The following EFCAB14 variants were observed in gnomAD, a reference collection of about 807,000 sequenced individuals.
EFCAB14 encodes the protein EF-hand calcium-binding domain-containing protein 14.
In EFCAB14, 43 loss-of-function variants were observed where a neutral mutation model predicts 56.5. The observed-to-expected ratio is 0.76, with a 90% CI of 0.60 to 0.98. The LOEUF (loss-of-function observed/expected upper bound fraction) is 0.98. Ranked by LOEUF, EFCAB14 falls within the 50% of genes least tolerant of loss-of-function variation. The pLI is 0.00. For synonymous variants in EFCAB14, 235 were observed against 212.9 expected (o/e 1.10, Z -0.90); for missense variants, 538 against 580.3 (o/e 0.93, Z 0.75).
chr1:46,680,456 G>A (rs1676774880), intron 10 of EFCAB14, among the ~76,000 whole-genome samples: 2 of 152,166 alleles, frequency 1.3e-5, no homozygotes, highest in Admixed American at 6.5e-5. Flanking sequence ...GAATCATATT[G>A]AAAGAAAAAG....
Position 46,678,383 on chromosome 1 carries a change from T to TG in EFCAB14, c.*77dup. 6.6e-7 allele frequency: 1 copy of TG among 1,516,624 alleles called. No homozygotes were observed. The highest frequency in any genetic ancestry group is 9.0e-7 in the Non-Finnish European group (1 of 1,104,980). The allele number at this position is 1,516,624 out of a possible 1,614,324, so 93.9% of individuals were successfully genotyped here. On this transcript the variant is annotated 3_prime_UTR_variant, in exon 11 of 11. Transcript: ENST00000371933. Reference sequence around the variant, plus strand: ...ACAGTAGTTTGGAGGACTAGAGGACTGATGGGTAAGTAAGGGTTGTTTTGT... The same window carrying TG: ...ACAGTAGTTTGGAGGACTAGAGGACTGGATGGGTAAGTAAGGGTTGTTTTGT...
Position 46,684,596 on chromosome 1 carries a change from C to T in EFCAB14, c.1081G>A (p.Asp361Asn). 6.2e-7 allele frequency: 1 copy of T among 1,613,148 alleles called. No homozygotes were observed. The highest frequency in any genetic ancestry group is 8.5e-7 in the Non-Finnish European group (1 of 1,179,140). Residue 361 changes from aspartate (D) to asparagine (N), a missense_variant, in exon 9 of 11, where the codon GAT becomes AAT. By Grantham distance (23) the Asp-to-Asn change is conservative. Coordinates refer to ENST00000371933, the MANE Select transcript of EFCAB14 (RefSeq NM_014774.3). ...TVKIQSIKKE[D>N]SSNSQVSKLR... ...TTGGATACCTGAGAATTTGAACTAT[C>T]TTCTTTCTGCACAAAACAAAGATTA...
chr1:46,691,819 C>T lies in EFCAB14; in HGVS notation c.690+8G>A, dbSNP rs1234075372. On this transcript the variant is annotated splice_region_variant and intron_variant, in intron 5 of 10. Coordinates refer to ENST00000371933, the MANE Select transcript of EFCAB14 (RefSeq NM_014774.3). ...GCAGGAGCATGCTGACTTGCTGGGT[C>T]TCCTTACCATATCACTCTGCAGTAA... 1.2e-6 allele frequency: 2 copies of T among 1,607,494 alleles called. No homozygotes were observed. The highest frequency in any genetic ancestry group is 1.7e-6 in the Non-Finnish European group (2 of 1,175,886).
Position 46,688,439 on chromosome 1 carries a change from T to C in EFCAB14, c.901A>G (p.Asn301Asp). ...KLEGMNETVSNLTQRVNLIES... is the reference protein window; with the variant it reads ...KLEGMNETVSDLTQRVNLIES... ...ATCAGGTTGACTCTCTGGGTAAGAT[T>C]ACTGACTGTCTCGTTCATTCCCTCG... is the stretch of plus-strand genomic sequence containing the variant. The change falls in exon 7 of 11, where the codon AAT becomes GAT. Residue 301 changes from asparagine to aspartate, a missense_variant. Coordinates refer to ENST00000371933, the MANE Select transcript of EFCAB14 (RefSeq NM_014774.3). 2 of 1,614,052 alleles carry C rather than the reference T, an allele frequency of 1.2e-6. No homozygotes were observed. The highest frequency in any genetic ancestry group is 8.5e-7 in the Non-Finnish European group (1 of 1,179,928).
chr1:46,686,959 G>T, intron 7 of EFCAB14, 89 bp from the exon 8 acceptor site: 1 of 1,221,964 alleles, frequency 8.2e-7, no homozygotes, highest in Non-Finnish European at 1.2e-6. Flanking sequence ...AAACAAATTC[G>T]TCAAACTTAT....
chr1:46,704,264 G>A (rs549091027), intron 3 of EFCAB14, among the ~76,000 whole-genome samples: 1 of 151,866 alleles, frequency 6.6e-6, no homozygotes, highest in East Asian at 1.9e-4. Context: ...ACTAGCCTGG[G>A]AAATAGTGAG....
chr1:46,698,783 C>G (rs1217268726), intron 3 of EFCAB14, among the ~76,000 whole-genome samples: 2 of 152,126 alleles, frequency 1.3e-5, no homozygotes, highest in Non-Finnish European at 2.9e-5. Flanking sequence ...AGTGCCAGAA[C>G]AGACAGGACT....
At chr1:46,714,032 C>T (rs1260455401) in intron 2 of EFCAB14, among the ~76,000 whole-genome samples, 2 of 151,924 alleles carry the variant, frequency 1.3e-5, no homozygotes, top group Non-Finnish European at 2.9e-5. Flanking sequence ...ATACTGAATC[C>T]CCAGCCCCAG....
At chr1:46,686,757 C>G (rs1463726414) in intron 8 of EFCAB14, 27 bp downstream of exon 8, 1 of 1,607,482 alleles carries the variant, frequency 6.2e-7, no homozygotes, top group Admixed American at 1.7e-5. Context: ...TTTACTTTTA[C>G]TTCAGGGTAA....
intron 10 of EFCAB14, 111 bp downstream of exon 10, chr1:46,683,189 A>G: frequency 1.6e-6 from 2 of 1,266,492 alleles, no homozygotes; most frequent in East Asian, 2.4e-5. Context: ...CTGGCACTTG[A>G]TATCTCCTCA....
intron 4 of EFCAB14, chr1:46,692,171 C>A: frequency 2.7e-6 from 1 of 373,116 alleles, no homozygotes; most frequent in Middle Eastern, 7.0e-4. Context: ...CTTTCTGTCA[C>A]AATAAATCAG....
chr1:46,699,953 C>A (rs1183642575), intron 3 of EFCAB14, among the ~76,000 whole-genome samples: 1 of 152,160 alleles, frequency 6.6e-6, no homozygotes, highest in Non-Finnish European at 1.5e-5. Flanking sequence ...ACTCGAGTAG[C>A]CCCAGAATGA....
rs150291024 is a variant in EFCAB14, at chr1:46,707,858, C to T, written c.480+48G>A. ...TCTATATCCTATTCATACTAAACAA[C>T]CAAACAAATATTCATAGCTTACACA... On this transcript the variant is annotated intron_variant, in intron 3 of 10. Transcript: ENST00000371933. The T allele has an allele frequency of 3.5e-3, 5,495 of 1,578,704 alleles. 14 individuals carry two copies. The highest frequency in any genetic ancestry group is 4.0e-3 in the Non-Finnish European group (4,713 of 1,164,484).
At chr1:46,688,305 G>A in intron 7 of EFCAB14, 48 bp downstream of exon 7, 1 of 1,563,890 alleles carries the variant, frequency 6.4e-7, no homozygotes, top group Non-Finnish European at 8.8e-7. Context: ...TGTTATCCAT[G>A]CACAGACAAA....
At chr1:46,691,453 C>G (rs746572811) in intron 5 of EFCAB14, among the ~76,000 whole-genome samples, 24 of 152,148 alleles carry the variant, frequency 1.6e-4, no homozygotes, top group Non-Finnish European at 3.2e-4. Flanking sequence ...TCCTGATGCA[C>G]AGAATAGTGA....
At chr1:46,683,098 C>G in intron 10 of EFCAB14, 1 of 450,916 alleles carries the variant, frequency 2.2e-6, no homozygotes. Flanking sequence ...GTTTCCCTAT[C>G]AGTAAAATGG....
At chr1:46,685,593 G>A (rs1355218389) in intron 8 of EFCAB14, among the ~76,000 whole-genome samples, 2 of 152,152 alleles carry the variant, frequency 1.3e-5, no homozygotes, top group Admixed American at 1.3e-4. Context: ...TAGGATGTTT[G>A]GATGAGGTAG....
chr1:46,703,280 T>C (rs966345374), intron 3 of EFCAB14, among the ~76,000 whole-genome samples: 4 of 152,182 alleles, frequency 2.6e-5, no homozygotes, highest in Non-Finnish European at 5.9e-5. Flanking sequence ...TGGCTAATTT[T>C]TGTATTTTTA....
intron 3 of EFCAB14, 80 bp from the exon 4 acceptor site, chr1:46,696,729 G>T: frequency 3.8e-6 from 5 of 1,312,468 alleles, no homozygotes; most frequent in South Asian, 1.2e-5. Flanking sequence ...CTCTACGGTT[G>T]GTGATGTCAA....
Sources: gnomAD v4.1 joint callset for allele counts (sites outside exome capture counted in the v4.1 genomes callset) on GRCh38, gnomAD v4.1.1 for gene constraint, MANE v1.5 for transcripts, NCBI Gene and HGNC (gene_info 2026-07-23, HGNC 2026-07-21) for gene names.